The following PLA2G2C variants were observed in gnomAD, a reference collection of about 807,000 sequenced individuals.
PLA2G2C encodes phospholipase A2 group IIC.
Under a neutral mutation model 14.3 loss-of-function variants are expected in PLA2G2C, and 15 were observed. The observed-to-expected ratio is 1.05, with a 90% CI of 0.70 to 1.62. The LOEUF (loss-of-function observed/expected upper bound fraction) is 1.62, where lower values mean the gene tolerates loss of function less well. Among genes scored for constraint, PLA2G2C ranks in the 40% most tolerant of loss-of-function variants. The pLI is 0.00. For missense variants in PLA2G2C, 162 were observed against 173.2 expected, an observed-to-expected ratio of 0.94 and a Z score of 0.36; for synonymous variants, 79 against 67.7, an observed-to-expected ratio of 1.17 and a Z score of -0.82.
chr1:20,181,214 T>C (rs2018274662), intron 1 of PLA2G2C, among the ~76,000 whole-genome samples: 1 of 152,196 alleles, frequency 6.6e-6, no homozygotes, highest in African/African-American at 2.4e-5. Flanking sequence ...AGATGGGCAG[T>C]AAATAAATAT....
Position 20,163,830 on chromosome 1 carries a change from C to T in PLA2G2C, c.*161G>A. 4.0e-6 allele frequency: 3 copies of T among 752,344 alleles called. No homozygotes were observed. The highest frequency in any genetic ancestry group is 2.8e-5 in the East Asian group (1 of 35,260). 46.6% of individuals were successfully genotyped at this position (752,344 alleles called of 1,614,324 possible). On this transcript the variant is annotated 3_prime_UTR_variant, in exon 5 of 5. Coordinates refer to ENST00000679259, the MANE Select transcript of PLA2G2C (RefSeq NM_001367969.2). ...CCTCTGATGCTGAACGACAGGGAGTCCCCTTGGTCAGAATGCTGAAGGGTG... is the reference window on the plus strand; with the variant it reads ...CCTCTGATGCTGAACGACAGGGAGTTCCCTTGGTCAGAATGCTGAAGGGTG...
At chr1:20,164,507 G>A (rs1304677032) in intron 4 of PLA2G2C, among the ~76,000 whole-genome samples, 2 of 152,198 alleles carry the variant, frequency 1.3e-5, no homozygotes, top group African/African-American at 4.8e-5. Flanking sequence ...CATCCCACGA[G>A]TGCTGGAGAA....
In PLA2G2C at chr1:20,175,121, T is replaced by A. The variant is rs1424952112; in HGVS notation, c.65A>T (p.Gln22Leu). Reference sequence around the variant, plus strand: ...GATGTGTTTGACCCTCCTCTGAAACTGCCAGAAACTGCTGTGGGTGGGGGC... The same window carrying A: ...GATGTGTTTGACCCTCCTCTGAAACAGCCAGAAACTGCTGTGGGTGGGGGC... ...FCSPTHSSFWQFQRRVKHITG... is the reference protein window; with the variant it reads ...FCSPTHSSFWLFQRRVKHITG... The change falls in exon 3 of 5, where the codon CAG becomes CTG. Residue 22 changes from glutamine (Q) to leucine (L), a missense_variant. Coordinates refer to ENST00000679259, the MANE Select transcript of PLA2G2C (RefSeq NM_001367969.2). 6.2e-7 allele frequency: 1 copy of A among 1,613,890 alleles called. No homozygotes were observed. The highest frequency in any genetic ancestry group is 1.3e-5 in the African/African-American group (1 of 74,998).
chr1:20,181,103 T>C (rs1255754964), intron 1 of PLA2G2C, among the ~76,000 whole-genome samples: 1 of 152,228 alleles, frequency 6.6e-6, no homozygotes, highest in Non-Finnish European at 1.5e-5. Context: ...GCAGGGGTTC[T>C]GAGCACTTTA....
At chr1:20,166,196 G>A (rs1334263021) in intron 4 of PLA2G2C, among the ~76,000 whole-genome samples, 2 of 152,232 alleles carry the variant, frequency 1.3e-5, no homozygotes, top group African/African-American at 2.4e-5. Flanking sequence ...GCTGCCTGCA[G>A]TCAGTCTGTT....
At chr1:20,184,858 G>A (rs1417626185) in intron 1 of PLA2G2C, among the ~76,000 whole-genome samples, 1 of 152,160 alleles carries the variant, frequency 6.6e-6, no homozygotes, top group Non-Finnish European at 1.5e-5. Flanking sequence ...AATAGCCATT[G>A]AGAAGAAAGG....
chr1:20,165,678 ATG>A (rs1557784494), intron 4 of PLA2G2C, among the ~76,000 whole-genome samples: 4 of 151,834 alleles, frequency 2.6e-5, no homozygotes, highest in Non-Finnish European at 1.5e-5. Flanking sequence ...ATGTGTGTGC[ATG>A]TGTGTGCATG....
chr1:20,164,709 G>A (rs187952477), intron 4 of PLA2G2C, among the ~76,000 whole-genome samples: 2 of 152,332 alleles, frequency 1.3e-5, no homozygotes, highest in East Asian at 3.9e-4. Context: ...GGGAACCCTT[G>A]ATATCCTAGT....
rs2017906902 is a variant in PLA2G2C, at chr1:20,163,555, T to C, written c.*436A>G. On this transcript the variant is annotated 3_prime_UTR_variant, in exon 5 of 5. Coordinates refer to ENST00000679259, the MANE Select transcript of PLA2G2C (RefSeq NM_001367969.2). ...GGGCCTGGCGCTCAAGTCTGCTCTG[T>C]GTCCCGGTTTGCAGTGGGGGTGAAG... The C allele has an allele frequency of 6.5e-6, 1 of 154,786 alleles. No homozygotes were observed. The highest frequency in any genetic ancestry group is 1.4e-5 in the Non-Finnish European group (1 of 69,948). 9.6% of individuals were successfully genotyped at this position (154,786 alleles called of 1,614,324 possible). A position where few individuals can be genotyped will look rare whatever the true frequency, so the allele number is the denominator to read the frequency against.
intron 1 of PLA2G2C, among the ~76,000 whole-genome samples, chr1:20,182,413 T>C (rs2018290365): frequency 6.6e-6 from 1 of 152,242 alleles, no homozygotes; most frequent in Non-Finnish European, 1.5e-5. Context: ...GGCAACATGC[T>C]GTACAGGTTT....
At chr1:20,164,230 T>A in intron 4 of PLA2G2C, 73 bp from the exon 5 acceptor site, 1 of 1,479,292 alleles carries the variant, frequency 6.8e-7, no homozygotes, top group Non-Finnish European at 9.1e-7. Context: ...TGGGGAGAAC[T>A]GGGAGCTCAC....
chr1:20,165,694 GTGTGTGCATGCGTGTGCC>G (rs1224696204), intron 4 of PLA2G2C, among the ~76,000 whole-genome samples: 1 of 151,050 alleles, frequency 6.6e-6, no homozygotes, highest in Non-Finnish European at 1.5e-5. Context: ...GTGCATGCGC[GTGTGTGCATGCGTGTGCC>G]TGTGTGCATG....
intron 2 of PLA2G2C, 63 bp from the exon 3 acceptor site, chr1:20,175,208 T>A (rs1304188506): frequency 1.2e-6 from 2 of 1,612,360 alleles, no homozygotes; most frequent in Non-Finnish European, 1.7e-6. Flanking sequence ...GCTGCCTTGA[T>A]GTCCCCTCCC....
intron 1 of PLA2G2C, among the ~76,000 whole-genome samples, chr1:20,182,153 C>A (rs192667345): frequency 6.6e-6 from 1 of 152,162 alleles, no homozygotes; most frequent in Non-Finnish European, 1.5e-5. Flanking sequence ...TATTTTCCAA[C>A]AATACGGGGA....
chr1:20,178,142 T>A (rs2018216030), intron 1 of PLA2G2C, among the ~76,000 whole-genome samples: 1 of 152,180 alleles, frequency 6.6e-6, no homozygotes, highest in Non-Finnish European at 1.5e-5. Flanking sequence ...CAGTCATAGG[T>A]AGACACAGAA....
intron 2 of PLA2G2C, among the ~76,000 whole-genome samples, chr1:20,175,443 C>CAGTTCTAG (rs2018167131): frequency 6.6e-6 from 1 of 152,190 alleles, no homozygotes. Context: ...CAAGAAACCA[C>CAGTTCTAG]AGTTCTAGGC....
intron 4 of PLA2G2C, among the ~76,000 whole-genome samples, chr1:20,170,394 G>A (rs538741787): frequency 6.6e-6 from 1 of 152,294 alleles, no homozygotes; most frequent in East Asian, 1.9e-4. Context: ...AATCTCTAAG[G>A]GCACTTTAGC....
Position 20,163,796 on chromosome 1 carries a change from C to T in PLA2G2C, c.*195G>A. 3.3e-6 allele frequency: 2 copies of T among 603,920 alleles called. No individual in the cohort carries two copies. The highest frequency in any genetic ancestry group is 5.6e-6 in the Non-Finnish European group (2 of 357,022). 37.4% of individuals were successfully genotyped at this position (603,920 alleles called of 1,614,324 possible). A position where few individuals can be genotyped will look rare whatever the true frequency, so the allele number is the denominator to read the frequency against. ...AGGCATCTCATCTTTCCCATTTCTG[C>T]TCTCCAGCCCTCTGATGCTGAACGA... On this transcript the variant is annotated 3_prime_UTR_variant, in exon 5 of 5. Coordinates refer to ENST00000679259, the MANE Select transcript of PLA2G2C (RefSeq NM_001367969.2).
At chr1:20,170,531 G>C (rs970344737) in intron 4 of PLA2G2C, among the ~76,000 whole-genome samples, 2 of 152,112 alleles carry the variant, frequency 1.3e-5, no homozygotes, top group Non-Finnish European at 2.9e-5. Context: ...CTCAATACTG[G>C]GGCAAGTAAA....
Sources: allele counts gnomAD v4.1 joint callset (sites outside exome capture counted in the v4.1 genomes callset), GRCh38; gene constraint gnomAD v4.1.1; transcripts MANE v1.5; gene names NCBI Gene and HGNC (gene_info 2026-07-23, HGNC 2026-07-21).